PTAR1: variants seen among roughly 807,000 people sequenced by gnomAD.
PTAR1 encodes protein prenyltransferase alpha subunit repeat containing 1, also known as protein prenyltransferase alpha subunit repeat-containing protein 1.
Under a neutral mutation model 45.5 loss-of-function variants are expected in PTAR1, and 17 were observed. The observed-to-expected ratio is 0.37, with a 90% CI of 0.26 to 0.56. The LOEUF (loss-of-function observed/expected upper bound fraction) is 0.56, where lower values mean the gene tolerates loss of function less well. Among genes scored for constraint, PTAR1 ranks in the 20% least tolerant of loss-of-function variants. The probability of loss-of-function intolerance (pLI) is 0.77; values close to 1 mark genes in which losing one functional copy is unlikely to be tolerated. For synonymous variants in PTAR1, 169 were observed against 171.3 expected (o/e 0.99, Z 0.11); for missense variants, 391 against 476.3 (o/e 0.82, Z 1.67).
intron 5 of PTAR1, among the ~76,000 whole-genome samples, chr9:69,726,118 T>C (rs1488402953): frequency 1.3e-5 from 2 of 152,088 alleles, no homozygotes; most frequent in African/African-American, 4.8e-5. Context: ...AAATGATCAA[T>C]ATAGAAAATT....
At chr9:69,759,470 G>C (rs938313121) in intron 1 of PTAR1, among the ~76,000 whole-genome samples, 1 of 152,162 alleles carries the variant, frequency 6.6e-6, no homozygotes, top group African/African-American at 2.4e-5. Flanking sequence ...TGAATCTCAA[G>C]AGTTGTGTTT....
chr9:69,717,015 C>T lies in PTAR1; in HGVS notation c.*1327G>A, dbSNP rs929977848. 3 of 152,174 alleles carry T rather than the reference C, an allele frequency of 2.0e-5. No homozygotes were observed. Among genetic ancestry groups the T allele is most frequent in the Non-Finnish European group, 4.4e-5 (3 of 68,028 alleles). The allele number at this position is 152,174 out of a possible 1,614,324, so 9.4% of individuals were successfully genotyped here. A position where few individuals can be genotyped will look rare whatever the true frequency, so the allele number is the denominator to read the frequency against. ...ATAAGAAAGCAGACATTACATGGCC[C>T]ATTCCCCACCCTCATCCCACCTACC... On this transcript the variant is annotated 3_prime_UTR_variant, in exon 8 of 8. Transcript: ENST00000340434.
intron 5 of PTAR1, 34 bp downstream of exon 5, chr9:69,732,105 A>G (rs755040298): frequency 6.9e-7 from 1 of 1,454,672 alleles, no homozygotes; most frequent in Non-Finnish European, 9.6e-7. Flanking sequence ...AAGGGCAGAC[A>G]GGCAGTCTGC....
intron 5 of PTAR1, among the ~76,000 whole-genome samples, chr9:69,729,732 T>G (rs1332558254): frequency 6.6e-6 from 1 of 152,188 alleles, no homozygotes; most frequent in Non-Finnish European, 1.5e-5. Context: ...AAAGCCAGAA[T>G]GCAAAGCAGG....
In PTAR1 at chr9:69,711,066, CTTT is replaced by C. The variant is rs892569012; in HGVS notation, c.*7273_*7275del. ...AGACGCTATTAAAATCATAACTGGCCTTTTTTTTTCTCCCTCTCCTTTTTTAAT... is the reference window on the plus strand; with the variant it reads ...AGACGCTATTAAAATCATAACTGGCCTTTTTTCTCCCTCTCCTTTTTTAAT... On this transcript the variant is annotated 3_prime_UTR_variant, in exon 8 of 8. Coordinates refer to ENST00000340434, the MANE Select transcript of PTAR1 (RefSeq NM_001099666.2). 9 of 151,228 alleles carry C rather than the reference CTTT, an allele frequency of 6.0e-5. No homozygotes were observed. Among genetic ancestry groups the C allele is most frequent in the African/African-American group, 1.7e-4 (7 of 41,152 alleles). 9.4% of individuals were successfully genotyped at this position (151,228 alleles called of 1,614,324 possible). A position where few individuals can be genotyped will look rare whatever the true frequency, so the allele number is the denominator to read the frequency against.
chr9:69,732,363 AG>A lies in PTAR1; in HGVS notation c.429-12del. ...TGTAGCACCCATCGCCTGTTAAGGC[AG>A]CATGTGGGAAAGAGAACACAGAAAG... On this transcript the variant is annotated splice_polypyrimidine_tract_variant and intron_variant, in intron 4 of 7. Coordinates refer to ENST00000340434, the MANE Select transcript of PTAR1 (RefSeq NM_001099666.2). 1 of 1,578,974 alleles carries A rather than the reference AG, an allele frequency of 6.3e-7. No individual in the cohort carries two copies. Among genetic ancestry groups the A allele is most frequent in the South Asian group, 1.1e-5 (1 of 90,434 alleles).
intron 1 of PTAR1, among the ~76,000 whole-genome samples, chr9:69,751,685 C>T (rs1826541421): frequency 6.6e-6 from 1 of 151,508 alleles, no homozygotes; most frequent in Admixed American, 6.6e-5. Flanking sequence ...TGCATGTGGA[C>T]CAGAAACAAA....
intron 5 of PTAR1, among the ~76,000 whole-genome samples, chr9:69,727,905 C>G (rs1262156094): frequency 2.0e-5 from 3 of 152,022 alleles, no homozygotes; most frequent in Admixed American, 6.6e-5. Context: ...GCAACCATTG[C>G]TCTTATCTAA....
chr9:69,748,365 A>C (rs1482740272), intron 2 of PTAR1, among the ~76,000 whole-genome samples: 2 of 151,268 alleles, frequency 1.3e-5, no homozygotes, highest in African/African-American at 4.9e-5. Flanking sequence ...TTACAGAATC[A>C]GTCCTCTCCC....
intron 1 of PTAR1, chr9:69,757,699 A>G (rs1685259567): frequency 6.6e-6 from 1 of 152,170 alleles, no homozygotes; most frequent in African/African-American, 2.4e-5. Context: ...TATAATACTG[A>G]AAGTGTAATT....
chr9:69,757,703 T>G (rs563414320), intron 1 of PTAR1: 1 of 151,988 alleles, frequency 6.6e-6, no homozygotes, highest in Admixed American at 6.5e-5. Context: ...ATACTGAAAG[T>G]GTAATTAGAT....
chr9:69,720,629 G>A (rs1247742132), intron 6 of PTAR1, among the ~76,000 whole-genome samples: 1 of 152,186 alleles, frequency 6.6e-6, no homozygotes, highest in African/African-American at 2.4e-5. Context: ...ATGCCATCTA[G>A]GACTTTCATA....
At chr9:69,719,192 A>T (rs1824870490) in intron 6 of PTAR1, among the ~76,000 whole-genome samples, 1 of 152,154 alleles carries the variant, frequency 6.6e-6, no homozygotes, top group Non-Finnish European at 1.5e-5. Flanking sequence ...TTATTCCCTA[A>T]AAGTCAACTG....
intron 1 of PTAR1, 113 bp downstream of exon 1, chr9:69,759,740 G>A: frequency 9.4e-7 from 1 of 1,059,472 alleles, no homozygotes; most frequent in African/African-American, 1.7e-5. Context: ...TCCCTAGAAG[G>A]GCTCGTGGGC....
intron 2 of PTAR1, among the ~76,000 whole-genome samples, chr9:69,742,725 G>A (rs372496210): frequency 1.3e-5 from 2 of 151,870 alleles, no homozygotes; most frequent in African/African-American, 4.8e-5. Flanking sequence ...CCCTATAACT[G>A]ACCTATATAT....
intron 6 of PTAR1, among the ~76,000 whole-genome samples, chr9:69,721,355 G>A (rs916188871): frequency 1.3e-5 from 2 of 152,172 alleles, no homozygotes; most frequent in African/African-American, 4.8e-5. Flanking sequence ...ACAATCTCAT[G>A]ATAAAACTTG....
chr9:69,744,385 C>CT (rs68024709), intron 2 of PTAR1, among the ~76,000 whole-genome samples: 127 of 146,002 alleles, frequency 8.7e-4, no homozygotes, highest in Middle Eastern at 3.5e-3. Context: ...TTCATCTCTG[C>CT]TTTTTTTTTT....
intron 3 of PTAR1, among the ~76,000 whole-genome samples, chr9:69,736,867 T>C (rs1392192948): frequency 1.3e-5 from 2 of 152,172 alleles, no homozygotes; most frequent in Non-Finnish European, 2.9e-5. Flanking sequence ...GAAGACATCT[T>C]AGCTTGAAAC....
chr9:69,747,803 T>C (rs1301512001), intron 2 of PTAR1, among the ~76,000 whole-genome samples: 3 of 152,104 alleles, frequency 2.0e-5, no homozygotes, highest in Non-Finnish European at 4.4e-5. Flanking sequence ...CACACCAAAA[T>C]GTATCTAGAT....
Sources: allele counts gnomAD v4.1 joint callset (sites outside exome capture counted in the v4.1 genomes callset), GRCh38; gene constraint gnomAD v4.1.1; transcripts MANE v1.5; gene names NCBI Gene and HGNC (gene_info 2026-07-23, HGNC 2026-07-21).